The following SORCS3 variants were observed in gnomAD, a reference collection of about 807,000 sequenced individuals.
SORCS3 encodes VPS10 domain-containing receptor SorCS3.
A neutral mutation model predicts 146.3 loss-of-function variants in SORCS3; 57 were observed. The ratio of observed to expected loss-of-function variants is 0.39; its 90% CI spans 0.31 to 0.49. The LOEUF is 0.49. Among genes scored for constraint, SORCS3 ranks in the 20% least tolerant of loss-of-function variants. The pLI is 0.92. For synonymous variants in SORCS3, 653 were observed against 618.5 expected, an observed-to-expected ratio of 1.06 and a Z score of -0.83; for missense variants, 1,341 against 1,575.5, an observed-to-expected ratio of 0.85 and a Z score of 2.52.
chr10:105,206,774 C>G (rs564936860), intron 16 of SORCS3, among the ~76,000 whole-genome samples: 20 of 152,172 alleles, frequency 1.3e-4, no homozygotes, highest in Non-Finnish European at 2.6e-4. Context: ...GTTTTTGTTG[C>G]TGTTGGGCCT....
At chr10:104,831,444 A>C (rs2017999742) in intron 1 of SORCS3, among the ~76,000 whole-genome samples, 1 of 152,214 alleles carries the variant, frequency 6.6e-6, no homozygotes, top group South Asian at 2.1e-4. Context: ...AGTTCCCACA[A>C]GGGAGTGCCC....
At chr10:104,984,525 A>G (rs1452259407) in intron 4 of SORCS3, among the ~76,000 whole-genome samples, 1 of 152,178 alleles carries the variant, frequency 6.6e-6, no homozygotes, top group East Asian at 1.9e-4. Context: ...TAGGCATAAC[A>G]ATGCTTATCA....
intron 4 of SORCS3, among the ~76,000 whole-genome samples, chr10:105,037,480 T>C (rs1169826184): frequency 6.6e-6 from 1 of 152,206 alleles, no homozygotes; most frequent in Non-Finnish European, 1.5e-5. Context: ...GAAACCTTCC[T>C]TGCCTTTTTC....
At chr10:104,700,785 A>G (rs1324936718) in intron 1 of SORCS3, among the ~76,000 whole-genome samples, 1 of 152,200 alleles carries the variant, frequency 6.6e-6, no homozygotes, top group Non-Finnish European at 1.5e-5. Flanking sequence ...TGCCTAGAAT[A>G]AAAGGCAGGG....
intron 7 of SORCS3, among the ~76,000 whole-genome samples, chr10:105,116,946 A>T (rs975303961): frequency 3.9e-5 from 6 of 152,094 alleles, no homozygotes; most frequent in Non-Finnish European, 8.8e-5. Context: ...TATACTTATT[A>T]CCTGGGTGAC....
In SORCS3 at chr10:104,860,738, C is replaced by G. The variant is rs544658681; in HGVS notation, c.695+17879C>G. On this transcript the variant is annotated intron_variant, in intron 2 of 26. Transcript: ENST00000369701. ...GGTAAAAATAGGTAAACACTGTTATCCCCATTTTACAGCTGAAAAACCTGA... is the reference window on the plus strand; with the variant it reads ...GGTAAAAATAGGTAAACACTGTTATGCCCATTTTACAGCTGAAAAACCTGA... 2.0e-5 allele frequency among the ~76,000 whole-genome samples: 3 copies of G among 152,088 alleles called. No individual in the cohort carries two copies. The South Asian group carries it at 6.2e-4, about 32-fold the overall frequency.
intron 8 of SORCS3, among the ~76,000 whole-genome samples, chr10:105,143,595 A>G (rs930718608): frequency 3.9e-5 from 6 of 152,168 alleles, no homozygotes; most frequent in Non-Finnish European, 8.8e-5. Flanking sequence ...GATGTCTACC[A>G]TGTGCCAGAT....
rs1299723343 is a variant in SORCS3, at chr10:104,641,441, C to T, written c.114C>T (p.Asp38=). 3.4e-6 allele frequency: 5 copies of T among 1,470,552 alleles called. No homozygotes were observed. The highest frequency in any genetic ancestry group is 2.7e-6 in the Non-Finnish European group (3 of 1,118,070). The allele number at this position is 1,470,552 out of a possible 1,614,324, so 91.1% of individuals were successfully genotyped here. A position where few individuals can be genotyped will look rare whatever the true frequency, so the allele number is the denominator to read the frequency against. Reference sequence around the variant, plus strand: ...TGGCCGGCGCCGAGATCACTTGGGACGCGACAGGCGGTCCCGGACGCCCGG... The same window carrying T: ...TGGCCGGCGCCGAGATCACTTGGGATGCGACAGGCGGTCCCGGACGCCCGG... ...WVLAGAEITW[D]ATGGPGRPAA... The change falls in exon 1 of 27, where the codon GAC becomes GAT. Residue 38 remains aspartate, a synonymous_variant. Transcript: ENST00000369701. The surrounding 1 kb of genome is among the most constrained non-coding windows in gnomAD (Gnocchi z 6.4).
At chr10:105,177,260 A>G (rs922347340) in intron 13 of SORCS3, among the ~76,000 whole-genome samples, 1 of 152,214 alleles carries the variant, frequency 6.6e-6, no homozygotes, top group African/African-American at 2.4e-5. Context: ...CCTATGATAG[A>G]GGATCCTATG....
chr10:105,194,027 T>A (rs2056531380), intron 14 of SORCS3, among the ~76,000 whole-genome samples: 1 of 152,286 alleles, frequency 6.6e-6, no homozygotes, highest in African/African-American at 2.4e-5. Flanking sequence ...TTATAAATTT[T>A]AATTGATTTT....
chr10:105,090,421 C>A (rs867990681), intron 6 of SORCS3, among the ~76,000 whole-genome samples: 4 of 152,274 alleles, frequency 2.6e-5, no homozygotes, highest in Middle Eastern at 3.4e-3. Context: ...CGCTGTGTAC[C>A]TTGTTCAGCT....
At chr10:105,257,069 A>G (rs924556799) in intron 25 of SORCS3, 145 bp downstream of exon 25, 5 of 669,878 alleles carry the variant, frequency 7.5e-6, no homozygotes, top group Non-Finnish European at 1.3e-5. Context: ...AAAAGCAAGA[A>G]TGGTTGAGGG....
intron 4 of SORCS3, among the ~76,000 whole-genome samples, chr10:105,038,226 A>C (rs1476312165): frequency 1.3e-5 from 2 of 152,230 alleles, no homozygotes; most frequent in Non-Finnish European, 2.9e-5. Flanking sequence ...CATTTATGTA[A>C]CTGTATAAAC....
At chr10:104,959,026 G>T (rs989106106) in intron 3 of SORCS3, among the ~76,000 whole-genome samples, 1 of 152,074 alleles carries the variant, frequency 6.6e-6, no homozygotes, top group South Asian at 2.1e-4. Context: ...TTTGGATGGG[G>T]CATGGAGACA....
intron 3 of SORCS3, among the ~76,000 whole-genome samples, chr10:104,927,187 A>G (rs1314871708): frequency 1.3e-5 from 2 of 152,254 alleles, no homozygotes; most frequent in African/African-American, 2.4e-5. Context: ...GTTAAGAAAT[A>G]TGAAAAAATG....
intron 4 of SORCS3, among the ~76,000 whole-genome samples, chr10:105,016,302 C>T (rs984318658): frequency 1.5e-4 from 23 of 150,892 alleles, no homozygotes; most frequent in Admixed American, 1.2e-3. Flanking sequence ...AGGCACACAC[C>T]ACCACGCCCA....
chr10:104,715,756 A>G (rs939353080), intron 1 of SORCS3, among the ~76,000 whole-genome samples: 1 of 152,336 alleles, frequency 6.6e-6, no homozygotes, highest in Admixed American at 6.5e-5. Context: ...TATCACCTCC[A>G]CTGGTAAAAC....
At chr10:105,088,743 G>A (rs1357848544) in intron 5 of SORCS3, among the ~76,000 whole-genome samples, 1 of 152,122 alleles carries the variant, frequency 6.6e-6, no homozygotes. Flanking sequence ...ATGGAAGATT[G>A]GGTTTTGAGT....
chr10:105,135,046 A>T (rs918515567), intron 7 of SORCS3, among the ~76,000 whole-genome samples: 8 of 152,102 alleles, frequency 5.3e-5, no homozygotes, highest in African/African-American at 1.7e-4. Flanking sequence ...GGAAGGAATG[A>T]GTAACAAGTC....
Sources: allele counts gnomAD v4.1 joint callset (sites outside exome capture counted in the v4.1 genomes callset), GRCh38; gene constraint gnomAD v4.1.1; non-coding constraint Gnocchi (gnomAD v3.1); transcripts MANE v1.5; gene names NCBI Gene and HGNC (gene_info 2026-07-23, HGNC 2026-07-21).